The following SUSD4 variants were observed in gnomAD, a reference collection of about 807,000 sequenced individuals.
SUSD4 encodes sushi domain containing 4.
Under a neutral mutation model 50.5 loss-of-function variants are expected in SUSD4, and 41 were observed. The observed-to-expected ratio is 0.81, with a 90% confidence interval of 0.63 to 1.05. The LOEUF (loss-of-function observed/expected upper bound fraction) is 1.05. SUSD4 is among the 50% of genes least tolerant of loss of function. The pLI is 0.00. For synonymous variants in SUSD4, 257 were observed against 257.3 expected (o/e 1.00, Z 0.01); for missense variants, 580 against 634.7 (o/e 0.91, Z 0.93).
chr1:223,259,398 T>C (rs1333140516), intron 5 of SUSD4, among the ~76,000 whole-genome samples: 1 of 152,130 alleles, frequency 6.6e-6, no homozygotes, highest in Non-Finnish European at 1.5e-5. Flanking sequence ...CAGGAATCTT[T>C]AAGTGGATGG....
chr1:223,260,059 G>T (rs912441004), intron 5 of SUSD4, among the ~76,000 whole-genome samples: 5 of 152,144 alleles, frequency 3.3e-5, no homozygotes, highest in Non-Finnish European at 7.4e-5. Flanking sequence ...TGCCATAAAT[G>T]CCTGGGTAGA....
intron 5 of SUSD4, among the ~76,000 whole-genome samples, chr1:223,252,228 A>AT (rs1553285648): frequency 1.8e-5 from 2 of 111,266 alleles, no homozygotes; most frequent in African/African-American, 3.6e-5. Context: ...TTAAAAAAAA[A>AT]AAAAAAAAAT....
chr1:223,350,792 G>T (rs1007397952), intron 2 of SUSD4, among the ~76,000 whole-genome samples: 4 of 152,132 alleles, frequency 2.6e-5, no homozygotes, highest in African/African-American at 9.7e-5. Context: ...TGCCCTGGAG[G>T]AATCTGTAAT....
intron 2 of SUSD4, among the ~76,000 whole-genome samples, chr1:223,352,712 C>A (rs1668434128): frequency 6.6e-6 from 1 of 152,110 alleles, no homozygotes; most frequent in Non-Finnish European, 1.5e-5. Context: ...AGAGGACTCC[C>A]AAGAGTTAGA....
intron 3 of SUSD4, among the ~76,000 whole-genome samples, chr1:223,276,432 G>C (rs1049718616): frequency 1.3e-5 from 2 of 152,210 alleles, no homozygotes; most frequent in African/African-American, 4.8e-5. Context: ...GTCAAGATTT[G>C]CACTTACTGG....
intron 2 of SUSD4, among the ~76,000 whole-genome samples, chr1:223,310,524 G>T (rs189323828): frequency 5.3e-4 from 80 of 152,186 alleles, no homozygotes; most frequent in African/African-American, 1.9e-3. Flanking sequence ...AACAATAAAA[G>T]AAATACAATA....
intron 2 of SUSD4, among the ~76,000 whole-genome samples, chr1:223,302,953 C>T (rs1345983651): frequency 6.6e-6 from 1 of 152,080 alleles, no homozygotes; most frequent in African/African-American, 2.4e-5. Context: ...GCCTCGGCAA[C>T]ACAACAAGAC....
chr1:223,239,729 G>T (rs1035272728), intron 5 of SUSD4, among the ~76,000 whole-genome samples: 1 of 151,832 alleles, frequency 6.6e-6, no homozygotes, highest in African/African-American at 2.4e-5. Context: ...GTGTGTGTGT[G>T]TGTGTGTAAT....
rs1401588381 is a variant in SUSD4 at position 223,247,954 on chromosome 1, C to G, written c.724+16676G>C. On this transcript the variant is annotated intron_variant, in intron 5 of 8. Transcript: ENST00000366878. The stretch of plus-strand genomic sequence containing the variant: ...TCATGGTATCTGGTCTGGGTCTTCA[C>G]CTTTCACCGGACTCTTGCTATATGA... 3.3e-5 allele frequency among the ~76,000 whole-genome samples: 5 copies of G among 152,154 alleles called. 1 individual carries two copies. Among genetic ancestry groups the G allele is most frequent in the Admixed American group, 3.3e-4 (5 of 15,284 alleles).
intron 2 of SUSD4, among the ~76,000 whole-genome samples, chr1:223,304,399 G>A (rs916003681): frequency 6.6e-6 from 1 of 152,026 alleles, no homozygotes; most frequent in Non-Finnish European, 1.5e-5. Context: ...ATAGTTTCAG[G>A]GGGTCTCCCT....
intron 3 of SUSD4, among the ~76,000 whole-genome samples, chr1:223,290,510 T>C (rs1047305780): frequency 1.3e-5 from 2 of 150,076 alleles, no homozygotes; most frequent in African/African-American, 5.0e-5. Context: ...CCAAAAATGA[T>C]TGGAGCACAT....
chr1:223,253,479 T>G (rs957684907), intron 5 of SUSD4, among the ~76,000 whole-genome samples: 4 of 151,964 alleles, frequency 2.6e-5, no homozygotes, highest in Non-Finnish European at 5.9e-5. Context: ...TCTAATTAAT[T>G]TGGGAGAAAA....
chr1:223,243,485 G>A (rs906118970), intron 5 of SUSD4, among the ~76,000 whole-genome samples: 1 of 152,186 alleles, frequency 6.6e-6, no homozygotes. Context: ...GCCCCTTTTG[G>A]TGAATGCTGT....
At chr1:223,359,229 A>G (rs1668833233) in intron 2 of SUSD4, 5 of 445,578 alleles carry the variant, frequency 1.1e-5, no homozygotes, top group South Asian at 8.2e-5. Context: ...CAGAACCCCT[A>G]TTGGAGCTTC....
intron 3 of SUSD4, among the ~76,000 whole-genome samples, chr1:223,271,791 T>C (rs922903956): frequency 6.6e-6 from 1 of 152,218 alleles, no homozygotes; most frequent in Non-Finnish European, 1.5e-5. Flanking sequence ...TTCTCTGTAG[T>C]AGTGAAAAAC....
intron 4 of SUSD4, among the ~76,000 whole-genome samples, chr1:223,266,710 T>C (rs1662515453): frequency 6.6e-6 from 1 of 152,252 alleles, no homozygotes; most frequent in Non-Finnish European, 1.5e-5. Context: ...GAGAGAGGCC[T>C]CCTCAGGCTT....
At chr1:223,225,479 A>G (rs1422876035) in intron 7 of SUSD4, among the ~76,000 whole-genome samples, 2 of 152,142 alleles carry the variant, frequency 1.3e-5, no homozygotes, top group African/African-American at 4.8e-5. Context: ...CACCAAGACC[A>G]TGCTCTTCAG....
At chr1:223,254,731 C>A (rs934526348) in intron 5 of SUSD4, among the ~76,000 whole-genome samples, 2 of 152,072 alleles carry the variant, frequency 1.3e-5, no homozygotes, top group Admixed American at 6.5e-5. Context: ...TGCCATGGCA[C>A]AATCTATCTT....
chr1:223,354,119 C>A (rs959180484), intron 2 of SUSD4, among the ~76,000 whole-genome samples: 4 of 152,098 alleles, frequency 2.6e-5, no homozygotes, highest in Admixed American at 2.0e-4. Context: ...GGATTCTCCA[C>A]CCCCTCATCA....
Sources: allele counts gnomAD v4.1 joint callset (sites outside exome capture counted in the v4.1 genomes callset), GRCh38; gene constraint gnomAD v4.1.1; transcripts MANE v1.5; gene names NCBI Gene and HGNC (gene_info 2026-07-23, HGNC 2026-07-21).